PBX1: variants seen among roughly 807,000 people sequenced by gnomAD.
The protein encoded by PBX1 is PBX homeobox 1, also known as pre-B-cell leukemia transcription factor 1.
PBX1 carries 6 observed loss-of-function variants against 53.4 expected under a neutral mutation model. The observed-to-expected ratio is 0.11, with a 90% CI of 0.06 to 0.22. PBX1 has a LOEUF of 0.22. Among genes scored for constraint, PBX1 ranks in the 10% least tolerant of loss-of-function variants. The pLI is 1.00. For missense variants in PBX1, 251 were observed against 551.4 expected, an observed-to-expected ratio of 0.46 and a Z score of 5.46; for synonymous variants, 204 against 212.3, an observed-to-expected ratio of 0.96 and a Z score of 0.34.
intron 2 of PBX1, among the ~76,000 whole-genome samples, chr1:164,785,791 C>T (rs1018649236): frequency 1.3e-5 from 2 of 152,146 alleles, no homozygotes; most frequent in Admixed American, 6.5e-5. Flanking sequence ...CTATGTGGCC[C>T]CTTGGCTGCC....
At chr1:164,571,306 C>G (rs570004315) in intron 2 of PBX1, among the ~76,000 whole-genome samples, 23 of 152,152 alleles carry the variant, frequency 1.5e-4, no homozygotes, top group Admixed American at 3.3e-4. Flanking sequence ...GCCTCCTTGC[C>G]CCCTAAAAAA....
At chr1:164,617,595 G>A (rs1455942672) in intron 2 of PBX1, among the ~76,000 whole-genome samples, 8 of 152,200 alleles carry the variant, frequency 5.3e-5, no homozygotes, top group African/African-American at 1.9e-4. Context: ...ATATGTTAAT[G>A]TGTGTTGTAA....
chr1:164,837,613 T>C (rs1671102729), intron 8 of PBX1, among the ~76,000 whole-genome samples: 1 of 152,210 alleles, frequency 6.6e-6, no homozygotes, highest in East Asian at 1.9e-4. Context: ...AGAGGTTATT[T>C]ATTCAGATAT....
At chr1:164,878,734 T>A (rs929870430) in intron 2 of PBX1, among the ~76,000 whole-genome samples, 3 of 151,892 alleles carry the variant, frequency 2.0e-5, no homozygotes, top group Non-Finnish European at 4.4e-5. Context: ...GTTAGAGAAA[T>A]GGGTAAAAAA....
At chr1:164,866,498 T>C (rs1672221910) in intron 2 of PBX1, among the ~76,000 whole-genome samples, 5 of 152,142 alleles carry the variant, frequency 3.3e-5, no homozygotes, top group Admixed American at 3.3e-4. Flanking sequence ...CAAGAAGCCA[T>C]CCTTGAATGA....
At chr1:164,607,457 A>G (rs755040769) in intron 2 of PBX1, among the ~76,000 whole-genome samples, 5 of 152,210 alleles carry the variant, frequency 3.3e-5, no homozygotes, top group Non-Finnish European at 5.9e-5. Context: ...GTCTCAAAGG[A>G]TATCAAGATT....
chr1:164,742,178 C>G (rs749791069), intron 2 of PBX1, among the ~76,000 whole-genome samples: 14 of 151,818 alleles, frequency 9.2e-5, no homozygotes, highest in Non-Finnish European at 1.8e-4. Flanking sequence ...AAAGACAAGC[C>G]TTCAAAGGCT....
intron 2 of PBX1, among the ~76,000 whole-genome samples, chr1:164,877,884 C>T (rs1165358993): frequency 6.6e-6 from 1 of 152,144 alleles, no homozygotes; most frequent in African/African-American, 2.4e-5. Flanking sequence ...TTCTTCCTAC[C>T]TCTTCTTGCC....
rs113033253 is a variant in PBX1 at position 164,845,457 on chromosome 1, T to A, written c.1201-1127T>A. Among the ~76,000 whole-genome samples, 105 of 152,254 alleles carry A rather than the reference T, an allele frequency of 6.9e-4. 2 individuals are homozygous for A. The highest frequency in any genetic ancestry group is 2.4e-3 in the African/African-American group (101 of 41,546). ...AGAGGATAGTACAATAGAAAACATTTTACCAGGGATGTCTCAGACCTGATC... is the reference window on the plus strand; with the variant it reads ...AGAGGATAGTACAATAGAAAACATTATACCAGGGATGTCTCAGACCTGATC... On this transcript the variant is annotated intron_variant, in intron 8 of 8. Transcript: ENST00000420696.
intron 2 of PBX1, among the ~76,000 whole-genome samples, chr1:164,650,491 G>C (rs1470610738): frequency 6.6e-6 from 1 of 152,140 alleles, no homozygotes; most frequent in Non-Finnish European, 1.5e-5. Flanking sequence ...CTCCCGAAGT[G>C]CTAGGGTTAC....
intron 8 of PBX1, among the ~76,000 whole-genome samples, chr1:164,843,554 G>A (rs1296908393): frequency 6.6e-6 from 1 of 151,748 alleles, no homozygotes; most frequent in Non-Finnish European, 1.5e-5. Context: ...GTTGGAGGGG[G>A]AGTGGAAAAA....
intron 2 of PBX1, among the ~76,000 whole-genome samples, chr1:164,701,481 A>G (rs766482142): frequency 6.6e-6 from 1 of 152,204 alleles, no homozygotes; most frequent in Non-Finnish European, 1.5e-5. Flanking sequence ...GGTGTTTATG[A>G]AATGCAGATT....
chr1:164,662,061 C>G (rs553625654), intron 2 of PBX1, among the ~76,000 whole-genome samples: 39 of 152,272 alleles, frequency 2.6e-4, no homozygotes, highest in African/African-American at 9.1e-4. Context: ...TGCAGTGGCT[C>G]AAGTCTGTAA....
chr1:164,780,690 C>T (rs1413488698), intron 2 of PBX1, among the ~76,000 whole-genome samples: 2 of 152,146 alleles, frequency 1.3e-5, no homozygotes, highest in Admixed American at 1.3e-4. Flanking sequence ...TCACACATCC[C>T]CGAAGACATT....
At chr1:164,774,637 A>G (rs1165021186) in intron 2 of PBX1, 5 of 152,154 alleles carry the variant, frequency 3.3e-5, no homozygotes, top group African/African-American at 4.8e-5. Flanking sequence ...TCTATTTTTA[A>G]TAAGCCAGAA....
At position 164,752,240 on chromosome 1, in the gene PBX1, G is replaced by GTT. The variant is rs1553240584; in HGVS notation, c.266-40253_266-40252insTT. On this transcript the variant is annotated intron_variant, in intron 2 of 8. Coordinates refer to ENST00000420696, the MANE Select transcript of PBX1 (RefSeq NM_002585.4). ...TGTGTGTGTGTGTGTGTGTGTGTGT[G>GTT]TGTGTGCCCTCAGTGCTTAGATATG... Among the ~76,000 whole-genome samples the GTT allele has an allele frequency of 1.8e-3, 268 of 150,382 alleles. 1 individual carries two copies. The highest frequency in any genetic ancestry group is 2.9e-3 in the Non-Finnish European group (196 of 67,740).
intron 8 of PBX1, among the ~76,000 whole-genome samples, chr1:164,834,772 C>T (rs1670950954): frequency 1.3e-5 from 2 of 152,212 alleles, no homozygotes; most frequent in Non-Finnish European, 2.9e-5. Context: ...TCTGAGTTCC[C>T]TCAGCCTTTC....
At chr1:164,869,165 G>C (rs1251026886) in intron 2 of PBX1, among the ~76,000 whole-genome samples, 1 of 152,176 alleles carries the variant, frequency 6.6e-6, no homozygotes. Context: ...TGTGCAACAG[G>C]CTATGGCCAT....
intron 2 of PBX1, among the ~76,000 whole-genome samples, chr1:164,706,476 G>A (rs967534039): frequency 2.0e-5 from 3 of 152,036 alleles, no homozygotes; most frequent in Non-Finnish European, 2.9e-5. Flanking sequence ...AGTTATGCAC[G>A]GTTTCCTTAA....
Sources: allele counts gnomAD v4.1 joint callset (sites outside exome capture counted in the v4.1 genomes callset), GRCh38; gene constraint gnomAD v4.1.1; transcripts MANE v1.5; gene names NCBI Gene and HGNC (gene_info 2026-07-23, HGNC 2026-07-21).